The following DCT variants were observed in gnomAD, a reference collection of about 807,000 sequenced individuals.
DCT encodes dopachrome tautomerase, also known as L-dopachrome tautomerase.
DCT carries 47 observed loss-of-function variants against 53.0 expected under a neutral mutation model. The observed-to-expected ratio is 0.89, with a 90% CI of 0.70 to 1.13. DCT has a LOEUF of 1.13. DCT is among the 50% of genes most tolerant of loss of function. The pLI is 0.00. For synonymous variants in DCT, 244 were observed against 237.0 expected, an observed-to-expected ratio of 1.03 and a Z score of -0.27; for missense variants, 669 against 637.4, an observed-to-expected ratio of 1.05 and a Z score of -0.53.
intron 1 of DCT, among the ~76,000 whole-genome samples, chr13:94,476,859 C>T (rs533667107): frequency 9.9e-5 from 15 of 152,246 alleles, no homozygotes; most frequent in Admixed American, 3.9e-4. Context: ...TTTTCAATCA[C>T]GCTAACCACA....
intron 6 of DCT, chr13:94,445,845 T>A (rs1437904876): frequency 1.1e-6 from 1 of 944,580 alleles, no homozygotes; most frequent in Non-Finnish European, 1.6e-6. Flanking sequence ...CGCTGCCCCA[T>A]GCAGAAGTGG....
At chr13:94,525,562 C>A in the DCT span, among the ~76,000 whole-genome samples, 3 of 152,192 alleles carry the variant, frequency 2.0e-5, no homozygotes, top group Non-Finnish European at 2.9e-5. Context: ...TCCTTCATTG[C>A]GGCCTAATCA....
In DCT at chr13:94,445,885, G is replaced by T. The variant is rs1317626821; in HGVS notation, c.1180-2248C>A. ...TTCCTGGAGGCAGGGGAGAAACTGT[G>T]GGGGGGCGGGGTGAAATGGGAAGAG... On this transcript the variant is annotated intron_variant, in intron 6 of 7. Coordinates refer to ENST00000377028, the MANE Select transcript of DCT (RefSeq NM_001922.5). 23 of 643,334 alleles carry T rather than the reference G, an allele frequency of 3.6e-5. No individual in the cohort carries two copies. The Admixed American group carries it at 4.0e-4, about 11-fold the overall frequency. The allele number at this position is 643,334 out of a possible 1,614,324, so 39.9% of individuals were successfully genotyped here.
intron 6 of DCT, among the ~76,000 whole-genome samples, chr13:94,457,061 C>T (rs564302214): frequency 2.6e-5 from 4 of 152,168 alleles, no homozygotes; most frequent in East Asian, 3.9e-4. Flanking sequence ...ACGCAGGAGG[C>T]GGAGGTTGCA....
At chr13:94,482,920 T>G (rs1357741881), upstream of DCT, among the ~76,000 whole-genome samples, 2 of 152,184 alleles carry the variant, frequency 1.3e-5, no homozygotes, top group Non-Finnish European at 2.9e-5. Context: ...ATATCACTAG[T>G]GAGGAGGTTC....
At position 94,438,580 on chromosome 13, in the gene DCT, C is replaced by T. The variant is rs983570459; in HGVS notation, c.*1318G>A. ...AGGGGCCTCGACAGACAAGCCACGC[C>T]CTAGAACTTCAGTCTCACTCCTGAT... On this transcript the variant is annotated 3_prime_UTR_variant, in exon 8 of 8. Coordinates refer to ENST00000377028, the MANE Select transcript of DCT (RefSeq NM_001922.5). 1.3e-5 allele frequency: 6 copies of T among 455,908 alleles called. No individual in the cohort carries two copies. The highest frequency in any genetic ancestry group is 1.4e-4 in the East Asian group (2 of 14,388). The allele number at this position is 455,908 out of a possible 1,614,324, so 28.2% of individuals were successfully genotyped here.
Position 94,478,158 on chromosome 13 carries a change from C to T in DCT, c.295+803G>A, listed in dbSNP as rs868322356. Among the ~76,000 whole-genome samples, 8 of 126,330 alleles carry T rather than the reference C, an allele frequency of 6.3e-5. 1 individual carries two copies. Among genetic ancestry groups the T allele is most frequent in the Middle Eastern group, 8.1e-3 (2 of 248 alleles). The allele number at this position is 126,330 out of a possible 152,430, so 82.9% of individuals were successfully genotyped here. On this transcript the variant is annotated intron_variant, in intron 1 of 7. Coordinates refer to ENST00000377028, the MANE Select transcript of DCT (RefSeq NM_001922.5). The stretch of plus-strand genomic sequence containing the variant: ...TTATCTAATAACAACCCCCCGCCCG[C>T]CCCCCCCACCCCCAGCTCCTCGAGA...
chr13:94,488,900 A>ATC, the DCT span, among the ~76,000 whole-genome samples: 1 of 152,118 alleles, frequency 6.6e-6, no homozygotes, highest in South Asian at 2.1e-4. Context: ...ATATATATAT[A>ATC]GTCAAGAGAA....
chr13:94,442,518 G>A (rs1479409842), intron 7 of DCT, among the ~76,000 whole-genome samples: 1 of 152,142 alleles, frequency 6.6e-6, no homozygotes. Context: ...ATGTTGCCAG[G>A]CTCCTAACAT....
intron 4 of DCT, 102 bp downstream of exon 4, chr13:94,465,531 C>T (rs1884113908): frequency 1.9e-6 from 2 of 1,037,776 alleles, no homozygotes; most frequent in African/African-American, 1.6e-5. Flanking sequence ...AAATAGGACA[C>T]CACATGCATA....
At chr13:94,483,497 T>A (rs1367715718), upstream of DCT, among the ~76,000 whole-genome samples, 1 of 151,504 alleles carries the variant, frequency 6.6e-6, no homozygotes, top group East Asian at 1.9e-4. Flanking sequence ...TTCTTTCATA[T>A]GACTTAGTTT....
At chr13:94,510,131 G>A in the DCT span, among the ~76,000 whole-genome samples, 1 of 152,044 alleles carries the variant, frequency 6.6e-6, no homozygotes, top group Non-Finnish European at 1.5e-5. Flanking sequence ...CTCTTTTCCA[G>A]TTTCTCTTTC....
At chr13:94,468,280 G>A (rs1279853870) in intron 2 of DCT, 1 of 165,898 alleles carries the variant, frequency 6.0e-6, no homozygotes, top group African/African-American at 2.4e-5. Context: ...TATCCTGTGA[G>A]TTTAACAAGA....
chr13:94,500,575 A>G, the DCT span, among the ~76,000 whole-genome samples: 2,410 of 152,326 alleles, frequency 0.016, 60 homozygotes, highest in African/African-American at 0.056. Flanking sequence ...TTTAGAACCC[A>G]TATATAAGTG....
At chr13:94,507,652 C>G in the DCT span, among the ~76,000 whole-genome samples, 6 of 152,108 alleles carry the variant, frequency 3.9e-5, no homozygotes, top group African/African-American at 1.4e-4. Context: ...AAGCGCCCAC[C>G]ACCATGCCCG....
chr13:94,516,424 T>C, the DCT span, among the ~76,000 whole-genome samples: 4 of 152,150 alleles, frequency 2.6e-5, no homozygotes, highest in African/African-American at 7.2e-5. Context: ...ACAATTTTTC[T>C]TTGTGCTAAA....
At chr13:94,472,572 T>A (rs1177480702) in intron 1 of DCT, among the ~76,000 whole-genome samples, 20 of 17,388 alleles carry the variant, frequency 1.2e-3, no homozygotes, top group East Asian at 4.6e-3. Flanking sequence ...ATATATATTT[T>A]TTTTTTTTTT....
the DCT span, among the ~76,000 whole-genome samples, chr13:94,487,491 A>G: frequency 2.0e-5 from 3 of 152,242 alleles, no homozygotes; most frequent in African/African-American, 7.2e-5. Flanking sequence ...GCAGACATGC[A>G]TAGCTTTGGA....
At chr13:94,488,772 C>CAT in the DCT span, among the ~76,000 whole-genome samples, 3 of 147,156 alleles carry the variant, frequency 2.0e-5, no homozygotes. Flanking sequence ...ACACACACGC[C>CAT]ATATATATAC....
Sources: gnomAD v4.1 joint callset for allele counts (sites outside exome capture counted in the v4.1 genomes callset) on GRCh38, gnomAD v4.1.1 for gene constraint, MANE v1.5 for transcripts, NCBI Gene and HGNC (gene_info 2026-07-23, HGNC 2026-07-21) for gene names.